The following STOX2 variants were observed in gnomAD, a reference collection of about 807,000 sequenced individuals.
STOX2 encodes storkhead box 2, also known as storkhead-box protein 2.
A neutral mutation model predicts 60.9 loss-of-function variants in STOX2; 28 were observed. The ratio of observed to expected loss-of-function variants is 0.46; its 90% confidence interval spans 0.34 to 0.63. STOX2 has a LOEUF of 0.63. Ranked by LOEUF, STOX2 falls within the 30% of genes least tolerant of loss-of-function variation. The probability of loss-of-function intolerance (pLI) is 0.01; values close to 1 mark genes in which losing one functional copy is unlikely to be tolerated. For missense variants in STOX2, 1,024 were observed against 1,187.7 expected (o/e 0.86, Z 2.03); for synonymous variants, 472 against 463.9 (o/e 1.02, Z -0.22).
chr4:183,906,986 G>C (rs1374908631), intron 1 of STOX2, 30 bp downstream of exon 1: 1 of 1,499,782 alleles, frequency 6.7e-7, no homozygotes, highest in Non-Finnish European at 9.0e-7. Flanking sequence ...TCTGCCCCCG[G>C]GCCGGGGCCG....
rs781366371 is a variant in STOX2, at chr4:184,009,811, G to C, written c.973G>C (p.Glu325Gln). The change falls in exon 3 of 4, where the codon GAA (glutamate) becomes CAA (glutamine). Residue 325 changes from glutamate (E) to glutamine (Q), a missense_variant. Transcript: ENST00000308497. The surrounding 1 kb of genome is among the most constrained non-coding windows in gnomAD (Gnocchi z 4.0). ...GCGCATTAACCCAGACCTGACCGTG[G>C]AAAATGTCATGCGGCACACCGCGCT... Reference protein sequence around the residue: ...IRRINPDLTVENVMRHTALMK... With the variant: ...IRRINPDLTVQNVMRHTALMK... The C allele has an allele frequency of 1.9e-6, 3 of 1,612,372 alleles. No homozygotes were observed. The highest frequency in any genetic ancestry group is 2.5e-6 in the Non-Finnish European group (3 of 1,179,346).
rs545295530 is a variant in STOX2, at chr4:183,811,739, A to G, written c.364+13684A>G. On this transcript the variant is annotated intron_variant, in intron 1 of 2. Coordinates refer to the STOX2 transcript ENST00000513034. ...GTTTCCTGTGAAAAAAGTTTAATTC[A>G]TGAATAGTTTTTTCCTCTCCTCTCT... 2.1e-4 allele frequency among the ~76,000 whole-genome samples: 32 copies of G among 152,336 alleles called. No individual in the cohort carries two copies. In the East Asian group the frequency reaches 5.2e-3, roughly 25 times the overall value.
chr4:183,897,929 A>G (rs1741373909), intron 1 of STOX2, among the ~76,000 whole-genome samples: 1 of 152,238 alleles, frequency 6.6e-6, no homozygotes, highest in Admixed American at 6.5e-5. Context: ...TTTTTGCCTT[A>G]AACTATTTAA....
At chr4:183,938,127 C>A (rs983042690) in intron 1 of STOX2, among the ~76,000 whole-genome samples, 4 of 152,044 alleles carry the variant, frequency 2.6e-5, no homozygotes, top group Non-Finnish European at 4.4e-5. Flanking sequence ...CCATCCTGAG[C>A]GACAGAATGA....
intron 1 of STOX2, among the ~76,000 whole-genome samples, chr4:183,855,917 G>A (rs1483469072): frequency 6.6e-6 from 1 of 152,210 alleles, no homozygotes; most frequent in Non-Finnish European, 1.5e-5. Context: ...TACTCTGATA[G>A]GAATCTTCTG....
chr4:183,812,889 A>T (rs1473372276), intron 1 of STOX2, among the ~76,000 whole-genome samples: 2 of 152,198 alleles, frequency 1.3e-5, no homozygotes, highest in African/African-American at 2.4e-5. Context: ...TCTCATACCA[A>T]AAAGATTGTC....
chr4:183,872,367 T>C (rs746070363), intron 1 of STOX2, among the ~76,000 whole-genome samples: 5 of 152,076 alleles, frequency 3.3e-5, no homozygotes, highest in Admixed American at 6.6e-5. Flanking sequence ...AGTGGAACCA[T>C]TGGACCTTGT....
intron 1 of STOX2, among the ~76,000 whole-genome samples, chr4:183,828,061 G>T (rs968907541): frequency 1.6e-4 from 24 of 152,046 alleles, no homozygotes; most frequent in African/African-American, 5.8e-4. Context: ...TTCAAATCAG[G>T]ATCCCAACAA....
At position 184,010,756 on chromosome 4, in the gene STOX2, G is replaced by T; in HGVS notation, c.1918G>T (p.Asp640Tyr). ...AEGVKKLSPS[D>Y]RQVPHSSREP... Reference sequence around the variant, plus strand: ...AGGGGTGAAAAAGCTCTCCCCTTCTGATAGGCAGGTCCCCCACTCCTCCAG... The same window carrying T: ...AGGGGTGAAAAAGCTCTCCCCTTCTTATAGGCAGGTCCCCCACTCCTCCAG... The change falls in exon 3 of 4, where the codon GAT becomes TAT. Residue 640 changes from aspartate (D) to tyrosine (Y), a missense_variant. Asp to Tyr is a radical substitution (Grantham distance 160). Around this residue, in one of 3 missense-constraint regions of STOX2, gnomAD observed 922 missense variants for 1,058.3 expected, o/e 0.87. Transcript: ENST00000308497. The surrounding 1 kb of genome is among the most constrained non-coding windows in gnomAD (Gnocchi z 4.5). 1 of 1,585,076 alleles carries T rather than the reference G, an allele frequency of 6.3e-7. No homozygotes were observed. Among genetic ancestry groups the T allele is most frequent in the Non-Finnish European group, 8.6e-7 (1 of 1,166,122 alleles).
intron 1 of STOX2, among the ~76,000 whole-genome samples, chr4:183,866,373 G>A (rs115790369): frequency 0.024 from 3,665 of 152,238 alleles, 141 homozygotes; most frequent in African/African-American, 0.083. Context: ...AGGAAAGAAT[G>A]TTCTCCATGG....
At position 183,845,925 on chromosome 4, in the gene STOX2, C is replaced by T. The variant is rs73870920; in HGVS notation, c.364+47870C>T. ...TACTTAACAGTGTTCTTTATTTCTTCGTGCATATTGAATTATTGTCTAGTA... is the reference window on the plus strand; with the variant it reads ...TACTTAACAGTGTTCTTTATTTCTTTGTGCATATTGAATTATTGTCTAGTA... On this transcript the variant is annotated intron_variant, in intron 1 of 2. Transcript: ENST00000513034. 4.9e-3 allele frequency among the ~76,000 whole-genome samples: 741 copies of T among 152,190 alleles called. 5 individuals carry two copies. Among genetic ancestry groups the T allele is most frequent in the African/African-American group, 0.016 (665 of 41,532 alleles).
At chr4:183,915,813 C>T (rs934896089) in intron 1 of STOX2, among the ~76,000 whole-genome samples, 2 of 152,300 alleles carry the variant, frequency 1.3e-5, no homozygotes, top group East Asian at 1.9e-4. Context: ...CTCAGGGTCC[C>T]GGAAGGAAAC....
At chr4:183,966,553 CA>C (rs929848427) in intron 1 of STOX2, among the ~76,000 whole-genome samples, 1 of 152,190 alleles carries the variant, frequency 6.6e-6, no homozygotes. Context: ...AAGCCGTTCC[CA>C]GGGGTGGTGA....
Position 184,001,898 on chromosome 4 carries a change from G to A in STOX2, c.319+421G>A, listed in dbSNP as rs1733609841. ...ACATATTTGTATCATGGCTTGATGA[G>A]TTTTAAGAAAATAATATTGATAAAT... On this transcript the variant is annotated intron_variant, in intron 2 of 3. Transcript: ENST00000308497. The surrounding 1 kb of genome is among the most constrained non-coding windows in gnomAD (Gnocchi z 4.2). Among the ~76,000 whole-genome samples, 1 of 152,126 alleles carries A rather than the reference G, an allele frequency of 6.6e-6. No individual in the cohort carries two copies. The highest frequency in any genetic ancestry group is 1.5e-5 in the Non-Finnish European group (1 of 68,034).
intron 1 of STOX2, among the ~76,000 whole-genome samples, chr4:183,976,260 C>G (rs984634739): frequency 1.3e-5 from 2 of 151,964 alleles, no homozygotes; most frequent in Admixed American, 6.5e-5. Context: ...TGCAGTGAGC[C>G]AAGATTGCGC....
At chr4:183,845,066 T>C (rs1739955847) in intron 1 of STOX2, among the ~76,000 whole-genome samples, 1 of 152,230 alleles carries the variant, frequency 6.6e-6, no homozygotes, top group Non-Finnish European at 1.5e-5. Flanking sequence ...CAGGTGACCT[T>C]TCCAAACTGT....
At chr4:183,972,222 G>T (rs774275360) in intron 1 of STOX2, among the ~76,000 whole-genome samples, 1 of 152,168 alleles carries the variant, frequency 6.6e-6, no homozygotes, top group Admixed American at 6.6e-5. Flanking sequence ...AAGAGCATGG[G>T]GCGAATTCCC....
chr4:183,813,375 C>T (rs113444819), intron 1 of STOX2, among the ~76,000 whole-genome samples: 4,572 of 152,006 alleles, frequency 0.03, 204 homozygotes, highest in African/African-American at 0.1. Flanking sequence ...AGAGTGAGAC[C>T]CTGTCTCAAA....
chr4:183,871,424 T>A (rs1253747429), intron 1 of STOX2, among the ~76,000 whole-genome samples: 1 of 152,224 alleles, frequency 6.6e-6, no homozygotes, highest in East Asian at 1.9e-4. Flanking sequence ...ATGCCAGTGA[T>A]AAAATTACAC....
Sources: allele counts gnomAD v4.1 joint callset (sites outside exome capture counted in the v4.1 genomes callset), GRCh38; gene constraint gnomAD v4.1.1; regional missense constraint gnomAD v4.1.1; non-coding constraint Gnocchi (gnomAD v3.1); transcripts MANE v1.5; gene names NCBI Gene and HGNC (gene_info 2026-07-23, HGNC 2026-07-21).